The following SNX29 variants were observed in gnomAD, a reference collection of about 807,000 sequenced individuals.
The protein encoded by SNX29 is sorting nexin 29.
SNX29 carries 78 observed loss-of-function variants against 102.1 expected under a neutral mutation model. The ratio of observed to expected loss-of-function variants is 0.76; its 90% CI spans 0.64 to 0.92. The LOEUF (loss-of-function observed/expected upper bound fraction) is 0.92, where lower values mean the gene tolerates loss of function less well. Among genes scored for constraint, SNX29 ranks in the 40% least tolerant of loss-of-function variants. The pLI, the probability that SNX29 is intolerant of heterozygous loss-of-function variation, is 0.00. For missense variants in SNX29, 1,280 were observed against 1,061.7 expected, an observed-to-expected ratio of 1.21 and a Z score of -2.86; for synonymous variants, 580 against 414.5, an observed-to-expected ratio of 1.40 and a Z score of -4.85.
At chr16:12,503,403 G>A (rs867858704) in intron 19 of SNX29, among the ~76,000 whole-genome samples, 11 of 152,302 alleles carry the variant, frequency 7.2e-5, no homozygotes, top group Middle Eastern at 3.4e-3. Context: ...AGGCTTTGCA[G>A]ATAAGCCCGT....
At chr16:12,188,061 T>G (rs2076554711) in intron 13 of SNX29, among the ~76,000 whole-genome samples, 1 of 152,194 alleles carries the variant, frequency 6.6e-6, no homozygotes, top group Non-Finnish European at 1.5e-5. Flanking sequence ...TCCAAGTGTT[T>G]CCCTAGTCCT....
At chr16:12,059,872 G>A (rs1271111164) in intron 8 of SNX29, among the ~76,000 whole-genome samples, 3 of 152,176 alleles carry the variant, frequency 2.0e-5, no homozygotes, top group Admixed American at 6.5e-5. Context: ...GAAGACCTGG[G>A]CTCCAGTCCC....
At chr16:12,432,776 A>G (rs1346032294) in intron 18 of SNX29, among the ~76,000 whole-genome samples, 3 of 152,258 alleles carry the variant, frequency 2.0e-5, no homozygotes, top group Non-Finnish European at 4.4e-5. Flanking sequence ...TCATTCTGCT[A>G]GAATTCAATG....
intron 14 of SNX29, among the ~76,000 whole-genome samples, chr16:12,218,321 A>C (rs1269242224): frequency 6.7e-6 from 1 of 149,832 alleles, no homozygotes; most frequent in Admixed American, 6.7e-5. Context: ...ACACAAATCT[A>C]CTCCACAAAC....
chr16:12,520,642 T>C (rs911244995), intron 19 of SNX29, among the ~76,000 whole-genome samples: 2 of 152,230 alleles, frequency 1.3e-5, no homozygotes, highest in African/African-American at 4.8e-5. Flanking sequence ...ATCATGTCTT[T>C]TGCGGCAACT....
intron 19 of SNX29, among the ~76,000 whole-genome samples, chr16:12,487,036 G>A (rs1432093457): frequency 6.6e-6 from 1 of 152,186 alleles, no homozygotes; most frequent in Non-Finnish European, 1.5e-5. Context: ...GTGGCCTCGG[G>A]CACGTTATTT....
chr16:12,564,550 C>CA (rs1567214005), intron 20 of SNX29, among the ~76,000 whole-genome samples: 1 of 152,162 alleles, frequency 6.6e-6, no homozygotes, highest in African/African-American at 2.4e-5. Flanking sequence ...AGGCCTTTGG[C>CA]AACCCATTCT....
intron 13 of SNX29, among the ~76,000 whole-genome samples, chr16:12,187,380 C>T (rs2076537200): frequency 6.6e-6 from 1 of 152,134 alleles, no homozygotes; most frequent in Non-Finnish European, 1.5e-5. Flanking sequence ...CGGGGCAAAA[C>T]CCTGTCTCTA....
intron 13 of SNX29, among the ~76,000 whole-genome samples, chr16:12,181,472 G>A (rs1288625123): frequency 6.6e-6 from 1 of 152,208 alleles, no homozygotes; most frequent in African/African-American, 2.4e-5. Flanking sequence ...TCCAAAGGAG[G>A]CAACCAGATA....
Position 12,477,836 on chromosome 16 carries a change from C to T in SNX29, c.2155C>T (p.Pro719Ser). The T allele has an allele frequency of 1.2e-6, 2 of 1,607,824 alleles. No homozygotes were observed. ...TCAAGTGAGGGCCTACAACTTCCCA[C>T]CCAAAAAGGCCATTGGAAACAAGGT... ...YPQVRAYNFP[P>S]KKAIGNKDAK... The change falls in exon 19 of 21, where the codon CCC becomes TCC. Residue 719 changes from proline to serine, a missense_variant. Transcript: ENST00000566228.
At chr16:12,547,730 T>C (rs1425978532) in intron 20 of SNX29, among the ~76,000 whole-genome samples, 4 of 152,144 alleles carry the variant, frequency 2.6e-5, no homozygotes, top group Non-Finnish European at 5.9e-5. Context: ...CACCCATCAC[T>C]GCCCCTCTAA....
At chr16:12,557,363 A>T (rs2078433876) in intron 20 of SNX29, 5 of 152,180 alleles carry the variant, frequency 3.3e-5, no homozygotes, top group Admixed American at 3.3e-4. Flanking sequence ...GGAGATGCTG[A>T]ATGGTTGAGG....
At chr16:12,116,767 G>A (rs1289186833) in intron 11 of SNX29, among the ~76,000 whole-genome samples, 9 of 152,002 alleles carry the variant, frequency 5.9e-5, no homozygotes, top group African/African-American at 2.2e-4. Flanking sequence ...CAGATGAACC[G>A]TGGAAACAGG....
chr16:12,387,119 A>G (rs1327917476), intron 16 of SNX29, among the ~76,000 whole-genome samples: 3 of 150,390 alleles, frequency 2.0e-5, no homozygotes, highest in African/African-American at 7.4e-5. Context: ...AGTGAGACTC[A>G]GTCTCATTAA....
At chr16:12,434,663 C>T (rs1277875738) in intron 18 of SNX29, among the ~76,000 whole-genome samples, 1 of 152,172 alleles carries the variant, frequency 6.6e-6, no homozygotes, top group Non-Finnish European at 1.5e-5. Context: ...CGCCAACACC[C>T]CTGCACAACG....
chr16:12,399,092 C>T (rs954609051), intron 17 of SNX29, among the ~76,000 whole-genome samples: 1 of 152,168 alleles, frequency 6.6e-6, no homozygotes. Flanking sequence ...TCTCTGTCGC[C>T]CAGGCTGGAG....
intron 15 of SNX29, among the ~76,000 whole-genome samples, chr16:12,344,634 G>C (rs1332309470): frequency 6.6e-6 from 1 of 152,258 alleles, no homozygotes; most frequent in Admixed American, 6.5e-5. Context: ...GTTAACACAA[G>C]GATGGGGCTT....
At chr16:12,387,403 C>T (rs2083377510) in intron 16 of SNX29, among the ~76,000 whole-genome samples, 1 of 152,116 alleles carries the variant, frequency 6.6e-6, no homozygotes, top group Non-Finnish European at 1.5e-5. Context: ...TGAGGAGAAT[C>T]GTTGGCGTCT....
chr16:12,150,618 T>A lies in SNX29; in HGVS notation c.1595+20860T>A, dbSNP rs973241853. Among the ~76,000 whole-genome samples, 14 of 152,290 alleles carry A rather than the reference T, an allele frequency of 9.2e-5. 1 individual carries two copies. The highest frequency in any genetic ancestry group is 9.2e-4 in the Admixed American group (14 of 15,300). The stretch of plus-strand genomic sequence containing the variant: ...CAGGTAATTGTGACCAGGAACAGCG[T>A]CTAATGAGCTAATTTTTGTCCAGTG... On this transcript the variant is annotated intron_variant, in intron 13 of 20. Coordinates refer to ENST00000566228, the MANE Select transcript of SNX29 (RefSeq NM_032167.5).
Sources: gnomAD v4.1 joint callset for allele counts (sites outside exome capture counted in the v4.1 genomes callset) on GRCh38, gnomAD v4.1.1 for gene constraint, MANE v1.5 for transcripts, NCBI Gene and HGNC (gene_info 2026-07-23, HGNC 2026-07-21) for gene names.